The following ARHGEF26 variants were observed in gnomAD, a reference collection of about 807,000 sequenced individuals.
ARHGEF26 encodes Rho guanine nucleotide exchange factor (GEF) 26.
Under a neutral mutation model 89.4 loss-of-function variants are expected in ARHGEF26, and 59 were observed. That is an observed-to-expected ratio of 0.66 (90% CI 0.54 to 0.82). The LOEUF (loss-of-function observed/expected upper bound fraction) is 0.82. Ranked by LOEUF, ARHGEF26 falls within the 40% of genes least tolerant of loss-of-function variation. ARHGEF26 has a pLI of 0.00. For synonymous variants in ARHGEF26, 500 were observed against 428.4 expected (o/e 1.17, Z -2.06); for missense variants, 1,234 against 1,085.6 (o/e 1.14, Z -1.92).
chr3:154,213,362 T>C (rs1444754459), intron 9 of ARHGEF26, among the ~76,000 whole-genome samples: 1 of 152,034 alleles, frequency 6.6e-6, no homozygotes, highest in Non-Finnish European at 1.5e-5. Context: ...TACAGTAATA[T>C]ACTGAGGCTG....
intron 13 of ARHGEF26, among the ~76,000 whole-genome samples, chr3:154,253,587 C>T (rs1326628771): frequency 6.6e-6 from 1 of 152,204 alleles, no homozygotes; most frequent in African/African-American, 2.4e-5. Context: ...AAACCTTCTA[C>T]ATACTGACAG....
At chr3:154,219,261 C>T (rs1576794432) in intron 10 of ARHGEF26, among the ~76,000 whole-genome samples, 1 of 152,140 alleles carries the variant, frequency 6.6e-6, no homozygotes, top group South Asian at 2.1e-4. Flanking sequence ...TTTCTTTTCC[C>T]TTCTTCACTG....
intron 12 of ARHGEF26, among the ~76,000 whole-genome samples, chr3:154,245,479 C>A (rs1191529593): frequency 1.3e-5 from 2 of 151,878 alleles, no homozygotes; most frequent in African/African-American, 2.4e-5. Flanking sequence ...CTTTTTTGTT[C>A]CTTTGCCTGT....
At chr3:154,235,188 G>T (rs1490519769) in intron 11 of ARHGEF26, among the ~76,000 whole-genome samples, 1 of 151,972 alleles carries the variant, frequency 6.6e-6, no homozygotes, top group African/African-American at 2.4e-5. Context: ...TCACTGGGTT[G>T]TGTTTAAATT....
rs771385286 is a variant in ARHGEF26 at position 154,256,195 on chromosome 3, T to C, written c.*722T>C. 2.0e-6 allele frequency: 2 copies of C among 985,778 alleles called. No individual in the cohort carries two copies. Among genetic ancestry groups the C allele is most frequent in the Non-Finnish European group, 2.4e-6 (2 of 829,990 alleles). 61.1% of individuals were successfully genotyped at this position (985,778 alleles called of 1,614,324 possible). ...TACCTTTAACAACGTAGAATTTAGA[T>C]GGGTTCATATATGTGAGAAAAACCT... On this transcript the variant is annotated 3_prime_UTR_variant, in exon 15 of 15. Coordinates refer to ENST00000465093, the MANE Select transcript of ARHGEF26 (RefSeq NM_015595.4).
chr3:154,197,905 A>T (rs1405986408), intron 9 of ARHGEF26, among the ~76,000 whole-genome samples: 1 of 152,066 alleles, frequency 6.6e-6, no homozygotes, highest in African/African-American at 2.4e-5. Flanking sequence ...TGCCAAATGA[A>T]TCTTCCCTGT....
intron 4 of ARHGEF26, among the ~76,000 whole-genome samples, chr3:154,132,861 T>C (rs754496336): frequency 7.9e-5 from 12 of 152,024 alleles, no homozygotes; most frequent in Non-Finnish European, 1.3e-4. Context: ...ATAATCAAAA[T>C]AGTAAGGTAG....
At chr3:154,217,454 G>A (rs1022663676) in intron 9 of ARHGEF26, among the ~76,000 whole-genome samples, 9 of 152,060 alleles carry the variant, frequency 5.9e-5, no homozygotes, top group Non-Finnish European at 1.2e-4. Flanking sequence ...CAGATGAGTA[G>A]GTTGCGAAAA....
At chr3:154,153,444 T>C (rs1298340225) in intron 6 of ARHGEF26, among the ~76,000 whole-genome samples, 1 of 152,140 alleles carries the variant, frequency 6.6e-6, no homozygotes, top group Non-Finnish European at 1.5e-5. Context: ...TATTTACTTA[T>C]CTATTATTTT....
At chr3:154,214,564 TGAA>T (rs1304476469) in intron 9 of ARHGEF26, among the ~76,000 whole-genome samples, 3 of 152,106 alleles carry the variant, frequency 2.0e-5, no homozygotes, top group Non-Finnish European at 2.9e-5. Flanking sequence ...AAGAGCGTGA[TGAA>T]GGAGATGCTC....
chr3:154,234,877 T>C (rs188184557), intron 11 of ARHGEF26, among the ~76,000 whole-genome samples: 44 of 152,318 alleles, frequency 2.9e-4, no homozygotes, highest in South Asian at 4.1e-4. Context: ...GCCATTCTTC[T>C]GCCTCAGCCT....
chr3:154,191,316 A>G lies in ARHGEF26; in HGVS notation c.1668A>G (p.Val556=), dbSNP rs370646022. 3.1e-6 allele frequency: 5 copies of G among 1,612,766 alleles called. No homozygotes were observed. Among genetic ancestry groups the G allele is most frequent in the African/African-American group, 1.3e-5 (1 of 74,882 alleles). ...LLATNPSFKE[V]LSRIESHEDC... ...CTACCAATCCATCCTTTAAGGAAGT[A>G]TTGTCAAGGATTGAGTCCCATGAAG... Residue 556 remains valine, a synonymous_variant, in exon 8 of 15, where the codon GTA becomes GTG. Transcript: ENST00000465093.
chr3:154,191,314 G>T lies in ARHGEF26; in HGVS notation c.1666G>T (p.Val556Leu), dbSNP rs756688472. 3 of 1,612,620 alleles carry T rather than the reference G, an allele frequency of 1.9e-6. No individual in the cohort carries two copies. The highest frequency in any genetic ancestry group is 1.3e-5 in the African/African-American group (1 of 74,880). Residue 556 changes from valine to leucine, a missense_variant, in exon 8 of 15, where the codon GTA becomes TTA. Val to Leu is a conservative substitution (Grantham distance 32). Transcript: ENST00000465093. ...LLATNPSFKE[V>L]LSRIESHEDC... ...AGCTACCAATCCATCCTTTAAGGAA[G>T]TATTGTCAAGGATTGAGTCCCATGA... is the stretch of plus-strand genomic sequence containing the variant.
chr3:154,235,972 A>G (rs1717103788), intron 11 of ARHGEF26, among the ~76,000 whole-genome samples: 1 of 152,196 alleles, frequency 6.6e-6, no homozygotes, highest in South Asian at 2.1e-4. Flanking sequence ...AAAGTAATAA[A>G]TATATGCTCA....
intron 7 of ARHGEF26, among the ~76,000 whole-genome samples, chr3:154,189,787 A>C (rs917882926): frequency 2.0e-5 from 3 of 151,438 alleles, no homozygotes; most frequent in Non-Finnish European, 4.4e-5. Flanking sequence ...GAGGGAGGGG[A>C]CTGGGACCTG....
intron 12 of ARHGEF26, among the ~76,000 whole-genome samples, chr3:154,248,488 A>G (rs1315531589): frequency 6.6e-6 from 1 of 152,198 alleles, no homozygotes; most frequent in Non-Finnish European, 1.5e-5. Flanking sequence ...CATTTTATTT[A>G]TTGTAGGGTA....
chr3:154,132,340 C>A (rs755917468), intron 4 of ARHGEF26, among the ~76,000 whole-genome samples: 14 of 151,874 alleles, frequency 9.2e-5, no homozygotes, highest in Non-Finnish European at 1.9e-4. Flanking sequence ...ACAGCGAACC[C>A]CTCCTTCCTT....
chr3:154,256,248 T>TC lies in ARHGEF26; in HGVS notation c.*779dup, dbSNP rs1718498058. On this transcript the variant is annotated 3_prime_UTR_variant, in exon 15 of 15. Coordinates refer to ENST00000465093, the MANE Select transcript of ARHGEF26 (RefSeq NM_015595.4). ...ATATAGGACAGGGGTCCTACTTTTT[T>TC]CCCCACCTCTGTCGCCCAGGCTAGA... 1 of 985,260 alleles carries TC rather than the reference T, an allele frequency of 1.0e-6. No individual in the cohort carries two copies. The highest frequency in any genetic ancestry group is 6.2e-5 in the Admixed American group (1 of 16,258). 61.0% of individuals were successfully genotyped at this position (985,260 alleles called of 1,614,324 possible).
chr3:154,180,125 C>T (rs919520229), intron 6 of ARHGEF26, among the ~76,000 whole-genome samples: 21 of 152,276 alleles, frequency 1.4e-4, no homozygotes, highest in African/African-American at 3.9e-4. Flanking sequence ...TATCCTCCTG[C>T]CTCCCTCTCT....
Sources: gnomAD v4.1 joint callset for allele counts (sites outside exome capture counted in the v4.1 genomes callset) on GRCh38, gnomAD v4.1.1 for gene constraint, MANE v1.5 for transcripts, NCBI Gene and HGNC (gene_info 2026-07-23, HGNC 2026-07-21) for gene names.